Variants in APBA2 observed in about 807,000 individuals in gnomAD.
APBA2 encodes amyloid-beta A4 precursor protein-binding family A member 2.
A neutral mutation model predicts 75.0 loss-of-function variants in APBA2; 30 were observed. The observed-to-expected ratio is 0.40, with a 90% CI of 0.30 to 0.54. The LOEUF (loss-of-function observed/expected upper bound fraction) is 0.54, where lower values mean the gene tolerates loss of function less well. Among genes scored for constraint, APBA2 ranks in the 20% least tolerant of loss-of-function variants. APBA2 has a pLI of 0.49. For missense variants in APBA2, 801 were observed against 1,016.1 expected (o/e 0.79, Z 2.88); for synonymous variants, 444 against 409.6 (o/e 1.08, Z -1.01).
chr15:28,894,011 C>T (rs1347560805), intron 1 of APBA2: 3 of 152,270 alleles, frequency 2.0e-5, no homozygotes, highest in African/African-American at 7.2e-5. Flanking sequence ...GGCAGCATTC[C>T]CACCCCTCAC....
At chr15:28,895,083 T>G (rs1366250355) in intron 1 of APBA2, among the ~76,000 whole-genome samples, 5 of 152,224 alleles carry the variant, frequency 3.3e-5, no homozygotes, top group Non-Finnish European at 7.3e-5. Context: ...AACTTGCCCC[T>G]GTTTTTCTAA....
intron 2 of APBA2, among the ~76,000 whole-genome samples, chr15:28,965,636 C>T (rs2036700552): frequency 6.6e-6 from 1 of 152,020 alleles, no homozygotes; most frequent in African/African-American, 2.4e-5. Context: ...CTTTGATTTC[C>T]TTCCTTGTCA....
At chr15:29,082,209 G>A (rs766922463) in intron 6 of APBA2, among the ~76,000 whole-genome samples, 5 of 152,154 alleles carry the variant, frequency 3.3e-5, no homozygotes, top group Non-Finnish European at 7.4e-5. Flanking sequence ...TCATTCCTCT[G>A]TTAGATTTTC....
chr15:29,093,320 T>G, intron 7 of APBA2, 100 bp downstream of exon 7: 1 of 1,506,002 alleles, frequency 6.6e-7, no homozygotes, highest in Non-Finnish European at 9.0e-7. Flanking sequence ...CAGCTCGGAC[T>G]GCACAGCCCT....
chr15:29,015,470 C>G (rs1356284083), intron 3 of APBA2, among the ~76,000 whole-genome samples: 1 of 152,182 alleles, frequency 6.6e-6, no homozygotes, highest in East Asian at 1.9e-4. Flanking sequence ...GGTTTGCCTG[C>G]TGTCCCCCAG....
At chr15:29,089,231 C>A (rs1566993389) in intron 6 of APBA2, among the ~76,000 whole-genome samples, 1 of 152,224 alleles carries the variant, frequency 6.6e-6, no homozygotes, top group Non-Finnish European at 1.5e-5. Context: ...AGCACCTGAA[C>A]TCATGACAGT....
intron 2 of APBA2, among the ~76,000 whole-genome samples, chr15:28,960,782 C>T (rs138518099): frequency 0.077 from 11,069 of 144,120 alleles, 563 homozygotes; most frequent in East Asian, 0.24. Context: ...TTTTTTGAGA[C>T]GGAGTGTCAC....
intron 3 of APBA2, among the ~76,000 whole-genome samples, chr15:29,011,490 G>T (rs1303169280): frequency 1.3e-5 from 2 of 152,086 alleles, no homozygotes; most frequent in African/African-American, 4.8e-5. Context: ...GTCAGGAACA[G>T]ATTATTTACA....
chr15:29,108,231 T>C (rs751844468), intron 12 of APBA2, 39 bp from the exon 13 acceptor site: 2 of 1,612,770 alleles, frequency 1.2e-6, no homozygotes, highest in Non-Finnish European at 1.7e-6. Context: ...GCTTGATGTC[T>C]AAGGCCCAGC....
At chr15:29,039,333 C>G (rs1237150292) in intron 3 of APBA2, among the ~76,000 whole-genome samples, 1 of 152,058 alleles carries the variant, frequency 6.6e-6, no homozygotes, top group African/African-American at 2.4e-5. Flanking sequence ...GCTGTCAGGC[C>G]AGCCCTTAAC....
intron 1 of APBA2, among the ~76,000 whole-genome samples, chr15:28,896,094 C>T (rs1423283418): frequency 2.6e-5 from 4 of 152,062 alleles, no homozygotes; most frequent in Non-Finnish European, 4.4e-5. Flanking sequence ...ACCTGGGTGA[C>T]AGTGAGAACC....
intron 7 of APBA2, 121 bp downstream of exon 7, chr15:29,093,341 G>T: frequency 7.0e-7 from 1 of 1,428,632 alleles, no homozygotes; most frequent in Admixed American, 2.0e-5. Flanking sequence ...CAGCACAGGG[G>T]GCAGGAGCGG....
At chr15:29,066,229 T>A (rs2042374700) in intron 4 of APBA2, among the ~76,000 whole-genome samples, 1 of 152,022 alleles carries the variant, frequency 6.6e-6, no homozygotes, top group Non-Finnish European at 1.5e-5. Context: ...ATCCAGCCAT[T>A]CCCCAGTCCT....
intron 6 of APBA2, among the ~76,000 whole-genome samples, chr15:29,077,510 A>C (rs1011683093): frequency 6.6e-6 from 1 of 152,206 alleles, no homozygotes; most frequent in Admixed American, 6.5e-5. Flanking sequence ...TCATATCTGC[A>C]GGGAGTGGGA....
rs1462896133 is a variant in APBA2 at position 28,886,011 on chromosome 15, C to A, written c.-472C>A. 1 of 149,902 alleles carries A rather than the reference C, an allele frequency of 6.7e-6. No homozygotes were observed. The highest frequency in any genetic ancestry group is 2.4e-5 in the African/African-American group (1 of 41,186). The allele number at this position is 149,902 out of a possible 1,614,324, so 9.3% of individuals were successfully genotyped here. On this transcript the variant is annotated 5_prime_UTR_variant, in exon 1 of 15. Transcript: ENST00000683413. ...GCGGGTGAGGCGGAAGCGGCCGGGG[C>A]GGGGGCGCAGGCCCGGCAGCCGCAG...
chr15:29,114,506 T>C (rs2044936994), intron 14 of APBA2, among the ~76,000 whole-genome samples: 1 of 151,394 alleles, frequency 6.6e-6, no homozygotes, highest in South Asian at 2.1e-4. Flanking sequence ...GCAGGATCAT[T>C]GGGAGGGGGG....
chr15:28,917,299 G>A (rs967937195), intron 1 of APBA2, among the ~76,000 whole-genome samples: 2 of 152,160 alleles, frequency 1.3e-5, no homozygotes, highest in Admixed American at 6.5e-5. Context: ...GGGGGGTTGA[G>A]ATGGTACCCA....
intron 3 of APBA2, among the ~76,000 whole-genome samples, chr15:29,002,454 T>A (rs2038898346): frequency 6.6e-6 from 1 of 152,092 alleles, no homozygotes; most frequent in Non-Finnish European, 1.5e-5. Context: ...GGTGATGGCA[T>A]GCCACCCTGG....
intron 2 of APBA2, among the ~76,000 whole-genome samples, chr15:28,993,116 C>T (rs1196178631): frequency 1.3e-5 from 2 of 152,162 alleles, no homozygotes; most frequent in African/African-American, 4.8e-5. Context: ...ATGTCTGATC[C>T]TCTGTGTTCC....
Sources: allele counts gnomAD v4.1 joint callset (sites outside exome capture counted in the v4.1 genomes callset), GRCh38; gene constraint gnomAD v4.1.1; transcripts MANE v1.5; gene names NCBI Gene and HGNC (gene_info 2026-07-23, HGNC 2026-07-21).